The following SLC30A8 variants were observed in gnomAD, a reference collection of about 807,000 sequenced individuals.
The protein encoded by SLC30A8 is solute carrier family 30 member 8.
A neutral mutation model predicts 36.9 loss-of-function variants in SLC30A8; 27 were observed. The observed-to-expected ratio is 0.73, with a 90% CI of 0.54 to 1.01. The LOEUF (loss-of-function observed/expected upper bound fraction) is 1.01. Among genes scored for constraint, SLC30A8 ranks in the 50% least tolerant of loss-of-function variants. The probability of loss-of-function intolerance (pLI) is 0.00; values close to 1 mark genes in which losing one functional copy is unlikely to be tolerated. For missense variants in SLC30A8, 439 were observed against 452.0 expected, an observed-to-expected ratio of 0.97 and a Z score of 0.26; for synonymous variants, 164 against 172.4, an observed-to-expected ratio of 0.95 and a Z score of 0.38.
chr8:117,157,654 T>C (rs757287573), intron 3 of SLC30A8, 37 bp from the exon 4 acceptor site: 1 of 1,611,144 alleles, frequency 6.2e-7, no homozygotes, highest in African/African-American at 1.3e-5. Flanking sequence ...GATGGAGTTA[T>C]CTGTGTGTGG....
At chr8:117,088,837 G>C (rs946166916) in intron 2 of SLC30A8, among the ~76,000 whole-genome samples, 1 of 152,234 alleles carries the variant, frequency 6.6e-6, no homozygotes, top group African/African-American at 2.4e-5. Flanking sequence ...TGTATTAGAT[G>C]ACGTTGGTTG....
chr8:117,027,041 A>T (rs1046903138), intron 1 of SLC30A8, among the ~76,000 whole-genome samples: 1 of 152,166 alleles, frequency 6.6e-6, no homozygotes, highest in East Asian at 1.9e-4. Context: ...GTAAATGCCC[A>T]TATAAATGTG....
chr8:117,123,786 C>T (rs550055376), intron 2 of SLC30A8, among the ~76,000 whole-genome samples: 1 of 152,010 alleles, frequency 6.6e-6, no homozygotes, highest in Admixed American at 6.6e-5. Context: ...ATCTGCTGTA[C>T]AACATAATTA....
intron 2 of SLC30A8, among the ~76,000 whole-genome samples, chr8:117,087,268 C>T (rs885205): frequency 0.033 from 4,999 of 152,136 alleles, 193 homozygotes; most frequent in African/African-American, 0.097. Context: ...TCATAGAGAG[C>T]CAGAACTTGA....
intron 6 of SLC30A8, among the ~76,000 whole-genome samples, chr8:117,167,082 C>T (rs1164941235): frequency 2.6e-5 from 4 of 151,726 alleles, no homozygotes; most frequent in African/African-American, 7.3e-5. Flanking sequence ...GCTGTTGTTG[C>T]TATTATGGAA....
intron 1 of SLC30A8, among the ~76,000 whole-genome samples, chr8:116,963,321 A>T (rs1029762878): frequency 6.6e-5 from 10 of 152,072 alleles, no homozygotes; most frequent in African/African-American, 2.2e-4. Context: ...ATAACATATA[A>T]TTGACCATTA....
At chr8:117,157,054 T>C (rs527870895) in intron 3 of SLC30A8, among the ~76,000 whole-genome samples, 58 of 152,250 alleles carry the variant, frequency 3.8e-4, no homozygotes, top group Admixed American at 7.9e-4. Flanking sequence ...AGTGGGCAGA[T>C]TGAACACCAT....
intron 6 of SLC30A8, among the ~76,000 whole-genome samples, chr8:117,166,547 T>G (rs1823065120): frequency 1.3e-5 from 2 of 152,084 alleles, no homozygotes; most frequent in African/African-American, 4.8e-5. Flanking sequence ...CAGTATATCT[T>G]ATTGGGGAGT....
At chr8:117,127,247 G>A (rs1317225207) in intron 2 of SLC30A8, among the ~76,000 whole-genome samples, 2 of 152,056 alleles carry the variant, frequency 1.3e-5, no homozygotes, top group Non-Finnish European at 2.9e-5. Context: ...AGGGAAAAAT[G>A]ATGGGCAGCT....
chr8:117,110,369 G>GT (rs1157378715), intron 2 of SLC30A8, among the ~76,000 whole-genome samples: 20 of 152,300 alleles, frequency 1.3e-4, no homozygotes, highest in Admixed American at 4.6e-4. Context: ...CCCTGTGGGT[G>GT]TAAGTGCCAA....
Position 117,009,925 on chromosome 8 carries a change from C to T in SLC30A8, c.-265-29294C>T, listed in dbSNP as rs372784539. Among the ~76,000 whole-genome samples the T allele has an allele frequency of 9.9e-5, 15 of 152,150 alleles. No homozygotes were observed. The Middle Eastern group carries it at 0.014, about 138-fold the overall frequency. Reference sequence around the variant, plus strand: ...CATGATTCATTTTGTAATATTTTTTCGGAGTGAAGCAGGCAAAGCCAACGC... The same window carrying T: ...CATGATTCATTTTGTAATATTTTTTTGGAGTGAAGCAGGCAAAGCCAACGC... On this transcript the variant is annotated intron_variant, in intron 1 of 10. Coordinates refer to the SLC30A8 transcript ENST00000427715.
At chr8:117,109,990 G>T (rs1820154973) in intron 2 of SLC30A8, among the ~76,000 whole-genome samples, 1 of 152,116 alleles carries the variant, frequency 6.6e-6, no homozygotes, top group South Asian at 2.1e-4. Flanking sequence ...AGCCCTCTCT[G>T]TTTTGAAAAA....
intron 2 of SLC30A8, among the ~76,000 whole-genome samples, chr8:117,041,040 G>T (rs1301915087): frequency 6.6e-6 from 1 of 152,204 alleles, no homozygotes; most frequent in African/African-American, 2.4e-5. Flanking sequence ...GAGGTTTCCA[G>T]CCACACAGGG....
chr8:116,990,991 G>T (rs992174415), intron 1 of SLC30A8, among the ~76,000 whole-genome samples: 1 of 152,254 alleles, frequency 6.6e-6, no homozygotes, highest in Admixed American at 6.5e-5. Context: ...AAATAATATA[G>T]ACCTGAAGAA....
chr8:117,152,971 T>C lies in SLC30A8; in HGVS notation c.299T>C (p.Val100Ala). Reference protein sequence around the residue: ...VGGHIAGSLAVVTDAAHLLID... With the variant: ...VGGHIAGSLAAVTDAAHLLID... Reference sequence around the variant, plus strand: ...GGGCACATTGCTGGGAGTCTTGCTGTTGTCACAGATGCTGCCCACCTCTTA... The same window carrying C: ...GGGCACATTGCTGGGAGTCTTGCTGCTGTCACAGATGCTGCCCACCTCTTA... The change falls in exon 3 of 8, where the codon GTT becomes GCT. Residue 100 changes from valine (V) to alanine (A), a missense_variant. Transcript: ENST00000456015. The C allele has an allele frequency of 6.2e-7, 1 of 1,612,214 alleles. No homozygotes were observed. Among genetic ancestry groups the C allele is most frequent in the Non-Finnish European group, 8.5e-7 (1 of 1,178,628 alleles).
intron 2 of SLC30A8, among the ~76,000 whole-genome samples, chr8:117,120,147 A>T (rs1820629115): frequency 1.3e-5 from 2 of 151,954 alleles, no homozygotes; most frequent in Non-Finnish European, 2.9e-5. Context: ...AACACAAATG[A>T]CACAAAATAA....
At chr8:117,164,643 T>G (rs1015467853) in intron 6 of SLC30A8, among the ~76,000 whole-genome samples, 1 of 152,024 alleles carries the variant, frequency 6.6e-6, no homozygotes, top group African/African-American at 2.4e-5. Flanking sequence ...GAGAAAGAGA[T>G]TATTCAAAAA....
intron 1 of SLC30A8, among the ~76,000 whole-genome samples, chr8:117,003,187 C>G (rs551207021): frequency 6.6e-6 from 1 of 152,124 alleles, no homozygotes; most frequent in Non-Finnish European, 1.5e-5. Flanking sequence ...AACTCAGGCC[C>G]GCTAAGACCA....
In SLC30A8 at chr8:117,147,073, C is replaced by A. The variant is rs774478941; in HGVS notation, c.191C>A (p.Ala64Glu). ...HSGSKPTEKGANEYAYAKWKL... is the reference protein window; with the variant it reads ...HSGSKPTEKGENEYAYAKWKL... The stretch of plus-strand genomic sequence containing the variant: ...GGCTCCAAGCCCACAGAAAAGGGGG[C>A]GAATGAGTACGCCTATGCCAAGTGG... The change falls in exon 2 of 8, where the codon GCG becomes GAG. Residue 64 changes from alanine to glutamate, a missense_variant. Physicochemically the swap from Ala to Glu is moderately radical, Grantham distance 107. Transcript: ENST00000456015. 3.7e-6 allele frequency: 6 copies of A among 1,614,068 alleles called. No individual in the cohort carries two copies. Among genetic ancestry groups the A allele is most frequent in the Non-Finnish European group, 5.1e-6 (6 of 1,179,984 alleles).
Sources: allele counts gnomAD v4.1 joint callset (sites outside exome capture counted in the v4.1 genomes callset), GRCh38; gene constraint gnomAD v4.1.1; transcripts MANE v1.5; gene names NCBI Gene and HGNC (gene_info 2026-07-23, HGNC 2026-07-21).